NTM: variants seen among roughly 807,000 people sequenced by gnomAD.
The protein encoded by NTM is neurotrimin.
A neutral mutation model predicts 42.1 loss-of-function variants in NTM; 13 were observed. That is an observed-to-expected ratio of 0.31 (90% CI 0.20 to 0.49). The LOEUF (loss-of-function observed/expected upper bound fraction) is 0.49, where lower values mean the gene tolerates loss of function less well. Ranked by LOEUF, NTM falls within the 20% of genes least tolerant of loss-of-function variation. NTM has a pLI of 0.99. For missense variants in NTM, 373 were observed against 452.8 expected, an observed-to-expected ratio of 0.82 and a Z score of 1.60; for synonymous variants, 187 against 179.2, an observed-to-expected ratio of 1.04 and a Z score of -0.35.
rs146953351 is a variant in NTM at position 132,312,936 on chromosome 11, C to T, written c.783-1616C>T. On this transcript the variant is annotated intron_variant, in intron 6 of 8. Transcript: ENST00000683400. ...CCGTGGACTCAGGCCAGTTCATTGC[C>T]CCTAGCGTTTGGAGAGGAAGGCTCC... Among the ~76,000 whole-genome samples, 4 of 152,262 alleles carry T rather than the reference C, an allele frequency of 2.6e-5. No homozygotes were observed. In the East Asian group the frequency reaches 5.8e-4, roughly 22 times the overall value.
intron 1 of NTM, among the ~76,000 whole-genome samples, chr11:131,581,825 C>A (rs1283240658): frequency 2.0e-5 from 3 of 152,120 alleles, no homozygotes; most frequent in Non-Finnish European, 2.9e-5. Flanking sequence ...GCACTTGCAG[C>A]CTTTCCCTGA....
chr11:132,256,843 G>A lies in NTM; in HGVS notation c.526+44696G>A, dbSNP rs536606360. On this transcript the variant is annotated intron_variant, in intron 4 of 8. Coordinates refer to ENST00000683400, the MANE Select transcript of NTM (RefSeq NM_001352005.2). ...GAGTGGGCCTGCCGCCCACGGACCC[G>A]TGTTATCGTCGGGACCCCTAGCTCC... Among the ~76,000 whole-genome samples the A allele has an allele frequency of 3.4e-3, 512 of 152,290 alleles. 5 individuals are homozygous for A. The highest frequency in any genetic ancestry group is 0.012 in the African/African-American group (489 of 41,556).
chr11:132,061,614 A>G (rs932722941), intron 2 of NTM, among the ~76,000 whole-genome samples: 1 of 152,214 alleles, frequency 6.6e-6, no homozygotes, highest in African/African-American at 2.4e-5. Context: ...GCATCTGATA[A>G]TAACAGAACA....
At chr11:132,261,737 A>G (rs551100268) in intron 4 of NTM, among the ~76,000 whole-genome samples, 33 of 152,354 alleles carry the variant, frequency 2.2e-4, no homozygotes, top group African/African-American at 7.7e-4. Flanking sequence ...GCTGCCAGTC[A>G]AACCTTTTTA....
At chr11:131,783,938 T>C (rs753287979) in intron 1 of NTM, among the ~76,000 whole-genome samples, 45 of 152,190 alleles carry the variant, frequency 3.0e-4, no homozygotes, top group Non-Finnish European at 5.0e-4. Flanking sequence ...AACTCAATCC[T>C]GAGAAGACAA....
chr11:132,295,165 C>T (rs543157562), intron 4 of NTM, among the ~76,000 whole-genome samples: 52 of 152,154 alleles, frequency 3.4e-4, no homozygotes, highest in African/African-American at 1.2e-3. Flanking sequence ...CACAGACACA[C>T]ACGAGAAAGA....
chr11:131,631,662 C>A (rs2063673198), intron 1 of NTM, among the ~76,000 whole-genome samples: 1 of 152,242 alleles, frequency 6.6e-6, no homozygotes, highest in African/African-American at 2.4e-5. Flanking sequence ...ATTTCCATAA[C>A]TGTTTGGTCC....
intron 2 of NTM, among the ~76,000 whole-genome samples, chr11:132,022,912 C>T (rs1014562252): frequency 5.3e-5 from 8 of 152,158 alleles, no homozygotes; most frequent in African/African-American, 1.4e-4. Context: ...GATGGGATCC[C>T]GGTTTTCTTC....
intron 1 of NTM, chr11:131,771,633 A>C (rs142583634): frequency 3.0e-4 from 45 of 152,320 alleles, no homozygotes; most frequent in African/African-American, 1.1e-3. Flanking sequence ...AGCCATGCCA[A>C]GCACCAGCTG....
At chr11:132,100,252 A>T (rs2061473922) in intron 2 of NTM, among the ~76,000 whole-genome samples, 1 of 152,232 alleles carries the variant, frequency 6.6e-6, no homozygotes, top group Non-Finnish European at 1.5e-5. Flanking sequence ...CTTGGGATCT[A>T]AACAGAGTTT....
chr11:131,750,884 T>G (rs4460820), intron 1 of NTM, among the ~76,000 whole-genome samples: 1 of 151,922 alleles, frequency 6.6e-6, no homozygotes, highest in South Asian at 2.1e-4. Flanking sequence ...ATGCCTGCTC[T>G]CTCTCCTCAC....
chr11:131,511,400 C>T (rs73026153), intron 1 of NTM, among the ~76,000 whole-genome samples: 18,673 of 152,224 alleles, frequency 0.12, 1,377 homozygotes, highest in East Asian at 0.26. Flanking sequence ...TCTGTCTTCG[C>T]CTGCCGCTGG....
chr11:131,511,710 C>T (rs2048275843), intron 1 of NTM, among the ~76,000 whole-genome samples: 1 of 152,178 alleles, frequency 6.6e-6, no homozygotes, highest in Non-Finnish European at 1.5e-5. Flanking sequence ...CACTGTGGCA[C>T]CTGGCAGCTG....
intron 2 of NTM, among the ~76,000 whole-genome samples, chr11:131,973,030 A>C (rs550688596): frequency 6.6e-6 from 1 of 152,254 alleles, no homozygotes; most frequent in African/African-American, 2.4e-5. Context: ...CAGTTTACTT[A>C]AGTAAAGAAA....
In NTM at chr11:131,424,600, C is replaced by CTTTTTTTTTTTTTTTTT. The variant is rs769740331; in HGVS notation, c.82+53714_82+53730dup. On this transcript the variant is annotated intron_variant, in intron 1 of 8. Coordinates refer to ENST00000683400, the MANE Select transcript of NTM (RefSeq NM_001352005.2). Reference sequence around the variant, plus strand: ...AGTTGTTTTTTATTTCTTTTCTTTTCTTTTTTTTTTTTTTTTTTGGCGCAA... The same window carrying CTTTTTTTTTTTTTTTTT: ...AGTTGTTTTTTATTTCTTTTCTTTTCTTTTTTTTTTTTTTTTTTTTTTTTTTTTTTTTTTTGGCGCAA... 2.6e-3 allele frequency among the ~76,000 whole-genome samples: 148 copies of CTTTTTTTTTTTTTTTTT among 56,006 alleles called. 24 individuals are homozygous for CTTTTTTTTTTTTTTTTT. The highest frequency in any genetic ancestry group is 7.5e-3 in the African/African-American group (103 of 13,744). The allele number at this position is 56,006 out of a possible 152,430, so 36.7% of individuals were successfully genotyped here. A position where few individuals can be genotyped will look rare whatever the true frequency, so the allele number is the denominator to read the frequency against.
At chr11:132,182,442 G>A (rs1483709136) in intron 3 of NTM, among the ~76,000 whole-genome samples, 9 of 152,072 alleles carry the variant, frequency 5.9e-5, no homozygotes, top group African/African-American at 9.7e-5. Context: ...ATCTCTCTAC[G>A]TGTCATGTAT....
At chr11:131,438,420 G>A (rs543628870) in intron 1 of NTM, among the ~76,000 whole-genome samples, 132 of 152,182 alleles carry the variant, frequency 8.7e-4, no homozygotes, top group Non-Finnish European at 1.7e-3. Flanking sequence ...AGGTACACCA[G>A]TCAGACGTAG....
chr11:131,940,951 A>G (rs936139125), intron 2 of NTM, among the ~76,000 whole-genome samples: 2 of 152,242 alleles, frequency 1.3e-5, no homozygotes, highest in Non-Finnish European at 2.9e-5. Context: ...GATAAAATTT[A>G]TCAAAGTAAA....
chr11:132,330,106 C>T, intron 7 of NTM, 47 bp from the exon 8 acceptor site: 1 of 1,550,484 alleles, frequency 6.4e-7, no homozygotes, highest in African/African-American at 1.4e-5. Flanking sequence ...GTGAGCATCT[C>T]CGTCTGCTTT....
Sources: gnomAD v4.1 joint callset for allele counts (sites outside exome capture counted in the v4.1 genomes callset) on GRCh38, gnomAD v4.1.1 for gene constraint, MANE v1.5 for transcripts, NCBI Gene and HGNC (gene_info 2026-07-23, HGNC 2026-07-21) for gene names.